The following AGAP1 variants were observed in gnomAD, a reference collection of about 807,000 sequenced individuals.
AGAP1 encodes ArfGAP with GTPase domain, ankyrin repeat and PH domain 1.
In AGAP1, 29 loss-of-function variants were observed where a neutral mutation model predicts 105.3. The observed-to-expected ratio is 0.28, with a 90% CI of 0.21 to 0.38. AGAP1 has a LOEUF of 0.38. Among genes scored for constraint, AGAP1 ranks in the 10% least tolerant of loss-of-function variants. The pLI is 1.00. For synonymous variants in AGAP1, 509 were observed against 485.9 expected (o/e 1.05, Z -0.63); for missense variants, 998 against 1,165.1 (o/e 0.86, Z 2.09).
rs1278527706 is a variant in AGAP1 at position 236,123,311 on chromosome 2, GCTGAAGTGAAC to G, written c.2371-606_2371-596del. Among the ~76,000 whole-genome samples, 1 of 152,130 alleles carries G rather than the reference GCTGAAGTGAAC, an allele frequency of 6.6e-6. No homozygotes were observed. The highest frequency in any genetic ancestry group is 1.5e-5 in the Non-Finnish European group (1 of 68,018). ...GCTCAGGCTAGTCTTGAACTCCTGGGCTGAAGTGAACCACCGCACCCAGCTTGTGTTGTGCT... is the reference window on the plus strand; with the variant it reads ...GCTCAGGCTAGTCTTGAACTCCTGGGCACCGCACCCAGCTTGTGTTGTGCT... On this transcript the variant is annotated intron_variant, in intron 17 of 17. Transcript: ENST00000304032. This position sits in a 1 kb window ranked among gnomAD's most constrained non-coding sequence, Gnocchi z 4.6.
At chr2:235,860,444 G>A (rs1342173278) in intron 9 of AGAP1, among the ~76,000 whole-genome samples, 1 of 151,854 alleles carries the variant, frequency 6.6e-6, no homozygotes, top group Non-Finnish European at 1.5e-5. Context: ...AGTCACCACT[G>A]TCTCCCCATA....
chr2:235,720,756 T>C lies in AGAP1; in HGVS notation c.310+3112T>C, dbSNP rs1168397733. 3 of 971,034 alleles carry C rather than the reference T, an allele frequency of 3.1e-6. No individual in the cohort carries two copies. The highest frequency in any genetic ancestry group is 2.4e-6 in the Non-Finnish European group (2 of 816,912). The allele number at this position is 971,034 out of a possible 1,614,324, so 60.2% of individuals were successfully genotyped here. On this transcript the variant is annotated intron_variant, in intron 3 of 17. Coordinates refer to ENST00000304032, the MANE Select transcript of AGAP1 (RefSeq NM_001037131.3). The surrounding 1 kb of genome is among the most constrained non-coding windows in gnomAD (Gnocchi z 5.0). ...TCATAATCCTGACCCGTGGCTGGGA[T>C]ATGTAGACTGCTGGGAGGGGTGAGG...
chr2:235,819,864 G>A (rs1052184086), intron 9 of AGAP1, among the ~76,000 whole-genome samples: 5 of 150,446 alleles, frequency 3.3e-5, no homozygotes, highest in African/African-American at 1.2e-4. Context: ...GGTAGCATAG[G>A]TTAATTGTGT....
intron 9 of AGAP1, among the ~76,000 whole-genome samples, chr2:235,829,070 G>A (rs577981569): frequency 3.5e-4 from 54 of 152,218 alleles, no homozygotes; most frequent in Non-Finnish European, 5.9e-4. Context: ...GGGCTACTGG[G>A]TAGATGGGCA....
rs538419494 is a variant in AGAP1, at chr2:235,848,040, AC to A, written c.1051-35303del. Among the ~76,000 whole-genome samples the A allele has an allele frequency of 2.8e-3, 431 of 152,294 alleles. 2 individuals are homozygous for A. The highest frequency in any genetic ancestry group is 2.1e-3 in the Non-Finnish European group (140 of 68,028). On this transcript the variant is annotated intron_variant, in intron 9 of 17. Transcript: ENST00000304032. ...TGCCATTCACAGCCTCCTGAGTGAT[AC>A]CTTTTTCTAGGCACTGCTTGGTTTC...
At chr2:235,825,056 T>G (rs372460533) in intron 9 of AGAP1, among the ~76,000 whole-genome samples, 3 of 152,238 alleles carry the variant, frequency 2.0e-5, no homozygotes, top group South Asian at 4.1e-4. Context: ...TGTAGAAAAG[T>G]GCAAATTGCT....
chr2:235,804,388 C>G (rs1328764419), intron 8 of AGAP1, among the ~76,000 whole-genome samples: 3 of 152,318 alleles, frequency 2.0e-5, no homozygotes, highest in Non-Finnish European at 4.4e-5. Flanking sequence ...CATTGCCCAG[C>G]TCAGAAACTT....
rs1942988574 is a variant in AGAP1, at chr2:235,530,045, G to C, written c.163+35196G>C. On this transcript the variant is annotated intron_variant, in intron 1 of 17. Coordinates refer to ENST00000304032, the MANE Select transcript of AGAP1 (RefSeq NM_001037131.3). ...AAAATGAGCCCCCAGACACTAAGAAGAGAAGGCACAGGACAGGCCACCATC... is the reference window on the plus strand; with the variant it reads ...AAAATGAGCCCCCAGACACTAAGAACAGAAGGCACAGGACAGGCCACCATC... 2.6e-5 allele frequency among the ~76,000 whole-genome samples: 4 copies of C among 152,144 alleles called. No homozygotes were observed. In the South Asian group the frequency reaches 8.3e-4, roughly 32 times the overall value.
rs528562915 is a variant in AGAP1 at position 236,003,265 on chromosome 2, G to A, written c.1646-33296G>A. Reference sequence around the variant, plus strand: ...TTGCCATGTTGCCCAGGCTGGTCTCGAACTCCTGGCCTCAGGTGATCTGCC... The same window carrying A: ...TTGCCATGTTGCCCAGGCTGGTCTCAAACTCCTGGCCTCAGGTGATCTGCC... On this transcript the variant is annotated intron_variant, in intron 13 of 17. Transcript: ENST00000304032. The surrounding 1 kb of genome is among the most constrained non-coding windows in gnomAD (Gnocchi z 4.2). Among the ~76,000 whole-genome samples the A allele has an allele frequency of 2.0e-5, 3 of 152,200 alleles. No homozygotes were observed. The highest frequency in any genetic ancestry group is 3.9e-4 in the East Asian group (2 of 5,182).
chr2:235,846,727 C>T (rs1188078281), intron 9 of AGAP1, among the ~76,000 whole-genome samples: 1 of 152,166 alleles, frequency 6.6e-6, no homozygotes, highest in Non-Finnish European at 1.5e-5. Context: ...GCCTCTAACT[C>T]CTGGGCTCAA....
intron 1 of AGAP1, among the ~76,000 whole-genome samples, chr2:235,546,501 C>T (rs544258553): frequency 2.0e-5 from 3 of 152,236 alleles, no homozygotes; most frequent in East Asian, 1.9e-4. Context: ...GCCTGGGACC[C>T]GCATGTCTGT....
At chr2:235,667,379 T>C (rs1252184400) in intron 1 of AGAP1, among the ~76,000 whole-genome samples, 1 of 152,168 alleles carries the variant, frequency 6.6e-6, no homozygotes, top group Non-Finnish European at 1.5e-5. Flanking sequence ...ATTTGATTTG[T>C]GTGGAGTTCA....
In AGAP1 at chr2:235,874,177, A is replaced by G. The variant is rs1310701912; in HGVS notation, c.1051-9168A>G. On this transcript the variant is annotated intron_variant, in intron 9 of 17. Coordinates refer to ENST00000304032, the MANE Select transcript of AGAP1 (RefSeq NM_001037131.3). This position sits in a 1 kb window ranked among gnomAD's most constrained non-coding sequence, Gnocchi z 4.5. The stretch of plus-strand genomic sequence containing the variant: ...CCAATTGCCCTACCTCAGCCTCCCA[A>G]GTAGCTAGGTCTACAGGCGCACACC... Among the ~76,000 whole-genome samples the G allele has an allele frequency of 6.6e-6, 1 of 151,882 alleles. No individual in the cohort carries two copies. Among genetic ancestry groups the G allele is most frequent in the African/African-American group, 2.4e-5 (1 of 41,328 alleles).
At chr2:236,033,233 G>A (rs538395848) in intron 13 of AGAP1, among the ~76,000 whole-genome samples, 31 of 152,204 alleles carry the variant, frequency 2.0e-4, no homozygotes, top group African/African-American at 6.7e-4. Context: ...CGACAGGAGC[G>A]AAACTCTGTC....
intron 3 of AGAP1, among the ~76,000 whole-genome samples, chr2:235,722,286 G>C (rs1001176392): frequency 2.6e-4 from 40 of 152,354 alleles, no homozygotes; most frequent in African/African-American, 9.1e-4. Context: ...TCAAGGTGTT[G>C]ACGGGGTTGG....
intron 13 of AGAP1, among the ~76,000 whole-genome samples, chr2:235,968,829 T>C (rs13428207): frequency 0.13 from 20,131 of 152,120 alleles, 3,529 homozygotes; most frequent in African/African-American, 0.41. Flanking sequence ...CAACCAAATC[T>C]GCTGTCATCA....
chr2:236,041,341 A>T (rs1020968454), intron 15 of AGAP1, among the ~76,000 whole-genome samples: 2 of 150,370 alleles, frequency 1.3e-5, no homozygotes, highest in Non-Finnish European at 3.0e-5. Flanking sequence ...TTGTTTTTTT[A>T]AATTCACAAT....
In AGAP1 at chr2:235,705,357, C is replaced by T. The variant is rs528468144; in HGVS notation, c.164-3822C>T. 7.2e-5 allele frequency among the ~76,000 whole-genome samples: 11 copies of T among 152,326 alleles called. No individual in the cohort carries two copies. Among genetic ancestry groups the T allele is most frequent in the East Asian group, 3.9e-4 (2 of 5,162 alleles). On this transcript the variant is annotated intron_variant, in intron 1 of 17. Transcript: ENST00000304032. The surrounding 1 kb of genome is among the most constrained non-coding windows in gnomAD (Gnocchi z 4.9). ...CCAGGAACACAGGTGTGCACACATC[C>T]GGATGTGCATCCACACACTCATGCG... is the stretch of plus-strand genomic sequence containing the variant.
Position 235,725,267 on chromosome 2 carries a change from C to T in AGAP1, c.310+7623C>T, listed in dbSNP as rs141957497. ...CTGTCATCGGGGTAGTAAATGTGTTCTCAGGAGCACGTGTATCTTAAATAT... is the reference window on the plus strand; with the variant it reads ...CTGTCATCGGGGTAGTAAATGTGTTTTCAGGAGCACGTGTATCTTAAATAT... On this transcript the variant is annotated intron_variant, in intron 3 of 17. Coordinates refer to ENST00000304032, the MANE Select transcript of AGAP1 (RefSeq NM_001037131.3). The surrounding 1 kb of genome is among the most constrained non-coding windows in gnomAD (Gnocchi z 5.7). Among the ~76,000 whole-genome samples, 341 of 152,282 alleles carry T rather than the reference C, an allele frequency of 2.2e-3. No homozygotes were observed. Among genetic ancestry groups the T allele is most frequent in the African/African-American group, 7.8e-3 (326 of 41,548 alleles).
Sources: gnomAD v4.1 joint callset for allele counts (sites outside exome capture counted in the v4.1 genomes callset) on GRCh38, gnomAD v4.1.1 for gene constraint, Gnocchi (gnomAD v3.1) non-coding constraint, MANE v1.5 for transcripts, NCBI Gene and HGNC (gene_info 2026-07-23, HGNC 2026-07-21) for gene names.